The following PCDHA1 variants were observed in gnomAD, a reference collection of about 807,000 sequenced individuals.
The protein encoded by PCDHA1 is protocadherin alpha-1.
PCDHA1 carries 42 observed loss-of-function variants against 61.3 expected under a neutral mutation model. That is an observed-to-expected ratio of 0.69 (90% CI 0.54 to 0.89). The LOEUF is 0.89. Ranked by LOEUF, PCDHA1 falls within the 40% of genes least tolerant of loss-of-function variation. PCDHA1 has a pLI of 0.00. For missense variants in PCDHA1, 1,256 were observed against 1,235.3 expected, an observed-to-expected ratio of 1.02 and a Z score of -0.25; for synonymous variants, 610 against 553.8, an observed-to-expected ratio of 1.10 and a Z score of -1.43.
intron 1 of PCDHA1, among the ~76,000 whole-genome samples, chr5:140,914,897 TTG>T (rs1415652208): frequency 6.6e-6 from 1 of 151,972 alleles, no homozygotes; most frequent in East Asian, 1.9e-4. Context: ...GCTTTTAACT[TTG>T]TGTTGTTTCT....
At chr5:140,808,001 G>A (rs1361329408) in intron 1 of PCDHA1, 5 of 1,613,604 alleles carry the variant, frequency 3.1e-6, no homozygotes, top group Non-Finnish European at 3.4e-6. Context: ...TTTAGACGAA[G>A]GATTGAATGG....
intron 1 of PCDHA1, chr5:140,871,118 G>C (rs1554165149): frequency 6.2e-7 from 1 of 1,613,306 alleles, no homozygotes; most frequent in East Asian, 2.2e-5. Flanking sequence ...GTGGAGAGCG[G>C]ACAGGCGCCA....
At chr5:140,829,438 T>C (rs2150167889) in intron 1 of PCDHA1, 279 of 1,613,934 alleles carry the variant, frequency 1.7e-4, no homozygotes, top group African/African-American at 8.9e-4. Context: ...CCGACATGAA[T>C]GACAATGCTC....
chr5:140,871,118 G>A, intron 1 of PCDHA1: 3 of 1,613,306 alleles, frequency 1.9e-6, no homozygotes, highest in Non-Finnish European at 2.5e-6. Flanking sequence ...GTGGAGAGCG[G>A]ACAGGCGCCA....
At chr5:141,005,809 C>T (rs1554260384) in intron 3 of PCDHA1, among the ~76,000 whole-genome samples, 1 of 150,480 alleles carries the variant, frequency 6.6e-6, no homozygotes, top group Admixed American at 6.6e-5. Flanking sequence ...TCCAAGGAGC[C>T]AGGTATGGTG....
intron 1 of PCDHA1, among the ~76,000 whole-genome samples, chr5:140,952,656 T>A (rs1554220534): frequency 6.6e-6 from 1 of 152,188 alleles, no homozygotes; most frequent in Admixed American, 6.5e-5. Flanking sequence ...GTTACCCAGT[T>A]CCAAAGTCAC....
In PCDHA1 at chr5:140,876,147, T is replaced by A. The variant is rs183600546; in HGVS notation, c.2394+87463T>A. 4.3e-6 allele frequency: 7 copies of A among 1,613,994 alleles called. No individual in the cohort carries two copies. The Admixed American group carries it at 1.2e-4, about 27-fold the overall frequency. ...GCGGTAAACCAGAACTAACAGGGTC[T>A]GTCCAGATTCAAATAACCGTCCTGG... is the stretch of plus-strand genomic sequence containing the variant. On this transcript the variant is annotated intron_variant, in intron 1 of 3. Transcript: ENST00000504120.
chr5:140,823,817 C>T, intron 1 of PCDHA1: 1 of 1,613,782 alleles, frequency 6.2e-7, no homozygotes, highest in Non-Finnish European at 8.5e-7. Context: ...TCATCGCGGG[C>T]GTCGGCGGGC....
At chr5:140,884,456 G>T in intron 1 of PCDHA1, 2 of 1,613,768 alleles carry the variant, frequency 1.2e-6, no homozygotes, top group Non-Finnish European at 1.7e-6. Context: ...GCCCACCGAG[G>T]GCGCGTGCGC....
intron 1 of PCDHA1, chr5:140,882,150 C>T: frequency 1.3e-6 from 2 of 1,501,768 alleles, no homozygotes; most frequent in Non-Finnish European, 1.8e-6. Context: ...TAGCAGAAAG[C>T]GGAATACCTC....
rs1424860955 is a variant in PCDHA1, at chr5:140,855,923, A to G, written c.2394+67239A>G. 3.3e-6 allele frequency: 4 copies of G among 1,229,030 alleles called. No individual in the cohort carries two copies. In the East Asian group the frequency reaches 9.4e-5, roughly 29 times the overall value. The allele number at this position is 1,229,030 out of a possible 1,614,324, so 76.1% of individuals were successfully genotyped here. ...GCCAGTTTCTCAAGGACTAGGAAGT[A>G]GCGTCATTCTGAGATCTCAGCCATT... On this transcript the variant is annotated intron_variant, in intron 1 of 3. Transcript: ENST00000504120.
chr5:140,842,929 C>A lies in PCDHA1; in HGVS notation c.2394+54245C>A, dbSNP rs2150347942. 3.8e-6 allele frequency: 6 copies of A among 1,594,270 alleles called. 1 individual carries two copies. The highest frequency in any genetic ancestry group is 5.1e-6 in the Non-Finnish European group (6 of 1,165,428). On this transcript the variant is annotated intron_variant, in intron 1 of 3. Coordinates refer to ENST00000504120, the MANE Select transcript of PCDHA1 (RefSeq NM_018900.4). ...TAGAGCTGCTGCAGTTCCAGGTGAGCGCGCGCGACGCGGGCGTGCCGCCTC... is the reference window on the plus strand; with the variant it reads ...TAGAGCTGCTGCAGTTCCAGGTGAGAGCGCGCGACGCGGGCGTGCCGCCTC...
intron 1 of PCDHA1, among the ~76,000 whole-genome samples, chr5:140,925,964 C>CA (rs782520997): frequency 4.3e-4 from 65 of 150,204 alleles, no homozygotes; most frequent in Middle Eastern, 3.4e-3. Flanking sequence ...TGCTATCACG[C>CA]AAAAAAAAAG....
At chr5:140,876,039 T>C in intron 1 of PCDHA1, 1 of 1,613,746 alleles carries the variant, frequency 6.2e-7, no homozygotes, top group Non-Finnish European at 8.5e-7. Context: ...AAGATAAAAG[T>C]ATATTGCCTG....
chr5:140,845,922 T>C (rs2150382652), intron 1 of PCDHA1, among the ~76,000 whole-genome samples: 7 of 149,894 alleles, frequency 4.7e-5, no homozygotes, highest in African/African-American at 7.3e-5. Flanking sequence ...CTTATTTTTG[T>C]GTAAAACTAT....
chr5:140,808,667 C>T, intron 1 of PCDHA1: 1 of 1,612,956 alleles, frequency 6.2e-7, no homozygotes, highest in Non-Finnish European at 8.5e-7. Flanking sequence ...GTCCTACTCG[C>T]TGGTAGAGCG....
intron 1 of PCDHA1, chr5:140,883,159 G>A (rs782151764): frequency 3.1e-6 from 5 of 1,613,846 alleles, no homozygotes; most frequent in Admixed American, 3.3e-5. Context: ...CCATAAATCC[G>A]AACAATGGAG....
intron 1 of PCDHA1, chr5:140,858,580 A>G (rs1374882572): frequency 8.9e-6 from 12 of 1,352,620 alleles, no homozygotes; most frequent in Middle Eastern, 2.1e-4. Context: ...CCTTTGTAAT[A>G]TAATTTATTC....
intron 1 of PCDHA1, chr5:140,828,687 C>T: frequency 6.2e-7 from 1 of 1,614,206 alleles, no homozygotes; most frequent in Non-Finnish European, 8.5e-7. Context: ...TTAAAGAAAT[C>T]CTTGGACAGA....
Sources: gnomAD v4.1 joint callset for allele counts (sites outside exome capture counted in the v4.1 genomes callset) on GRCh38, gnomAD v4.1.1 for gene constraint, MANE v1.5 for transcripts, NCBI Gene and HGNC (gene_info 2026-07-23, HGNC 2026-07-21) for gene names.